The following PLEKHB2 variants were observed in gnomAD, a reference collection of about 807,000 sequenced individuals.
The protein encoded by PLEKHB2 is pleckstrin homology domain-containing family B member 2.
A neutral mutation model predicts 36.5 loss-of-function variants in PLEKHB2; 31 were observed. That is an observed-to-expected ratio of 0.85 (90% CI 0.64 to 1.15). The LOEUF (loss-of-function observed/expected upper bound fraction) is 1.15, where lower values mean the gene tolerates loss of function less well. Among genes scored for constraint, PLEKHB2 ranks in the 50% most tolerant of loss-of-function variants. PLEKHB2 has a pLI of 0.00. For synonymous variants in PLEKHB2, 119 were observed against 112.0 expected (o/e 1.06, Z -0.39); for missense variants, 262 against 295.3 (o/e 0.89, Z 0.83).
chr2:131,123,943 G>A (rs1483659261), intron 2 of PLEKHB2, among the ~76,000 whole-genome samples: 2 of 151,618 alleles, frequency 1.3e-5, no homozygotes, highest in Non-Finnish European at 2.9e-5. Context: ...TGATCTTCCA[G>A]GTTCAGGTGG....
rs1256852208 is a variant in PLEKHB2 at position 131,147,355 on chromosome 2, G to A, written c.*582G>A. 6.6e-6 allele frequency: 1 copy of A among 152,358 alleles called. No homozygotes were observed. The allele number at this position is 152,358 out of a possible 1,614,324, so 9.4% of individuals were successfully genotyped here. A position where few individuals can be genotyped will look rare whatever the true frequency, so the allele number is the denominator to read the frequency against. On this transcript the variant is annotated 3_prime_UTR_variant, in exon 8 of 8. Transcript: ENST00000693505. ...GGATGATGGGGCACAGCCCGCCTTT[G>A]AACAATCATGCTTCAGAAATCTGCC...
rs373471501 is a variant in PLEKHB2 at position 131,132,870 on chromosome 2, G to A, written c.334-32G>A. 130 of 1,271,148 alleles carry A rather than the reference G, an allele frequency of 1.0e-4. 2 individuals are homozygous for A. The South Asian group carries it at 1.5e-3, about 15-fold the overall frequency. 78.7% of individuals were successfully genotyped at this position (1,271,148 alleles called of 1,614,324 possible). ...TCGAGCACACAGCTGCTGGGAAGCT[G>A]TCCTGTCCTCACCCTCTCCTGTCTC... is the stretch of plus-strand genomic sequence containing the variant. On this transcript the variant is annotated intron_variant, in intron 5 of 7. Transcript: ENST00000693505.
rs375584786 is a variant in PLEKHB2, at chr2:131,123,794, G to A, written c.38-1959G>A. On this transcript the variant is annotated intron_variant, in intron 2 of 7. Transcript: ENST00000693505. ...CCCCCCACCCCCCCCCCCGCCCCCC[G>A]CCCTCGGCCTCCCAAAGTGCTAGGA... is the stretch of plus-strand genomic sequence containing the variant. Among the ~76,000 whole-genome samples the A allele has an allele frequency of 5.6e-4, 14 of 24,870 alleles. No individual in the cohort carries two copies. In the East Asian group the frequency reaches 0.015, roughly 27 times the overall value. 16.3% of individuals were successfully genotyped at this position (24,870 alleles called of 152,430 possible). A position where few individuals can be genotyped will look rare whatever the true frequency, so the allele number is the denominator to read the frequency against.
chr2:131,106,095 C>G (rs1394452422), intron 1 of PLEKHB2, among the ~76,000 whole-genome samples: 1 of 152,110 alleles, frequency 6.6e-6, no homozygotes, highest in Admixed American at 6.6e-5. Flanking sequence ...TTCTGTTACT[C>G]AACTAGATTG....
chr2:131,132,453 C>T (rs1016549775), intron 5 of PLEKHB2, among the ~76,000 whole-genome samples: 3 of 152,116 alleles, frequency 2.0e-5, no homozygotes, highest in Non-Finnish European at 4.4e-5. Context: ...GCCATAAGCA[C>T]CATGCCCAGT....
At chr2:131,145,616 T>TTGCCCA (rs1699206246) in intron 7 of PLEKHB2, among the ~76,000 whole-genome samples, 4 of 152,110 alleles carry the variant, frequency 2.6e-5, no homozygotes, top group African/African-American at 9.7e-5. Context: ...ATTACAGGTG[T>TTGCCCA]GAGCCATCAA....
Position 131,125,818 on chromosome 2 carries a change from TATG to T in PLEKHB2, c.108_110del (p.Asp37del). The T allele has an allele frequency of 1.9e-6, 3 of 1,613,842 alleles. No individual in the cohort carries two copies. The highest frequency in any genetic ancestry group is 2.5e-6 in the Non-Finnish European group (3 of 1,179,782). ...GTGGTCGGATGGTCACCTGATCTAT[TATG>T]ATGACCAGACTCGGCAGAATATCGA... is the stretch of plus-strand genomic sequence containing the variant. On this transcript the variant is annotated inframe_deletion, in exon 3 of 8. Transcript: ENST00000693505.
rs1699360946 is a variant in PLEKHB2, at chr2:131,147,180, A to G, written c.*407A>G. 1 of 153,154 alleles carries G rather than the reference A, an allele frequency of 6.5e-6. No homozygotes were observed. The allele number at this position is 153,154 out of a possible 1,614,324, so 9.5% of individuals were successfully genotyped here. A position where few individuals can be genotyped will look rare whatever the true frequency, so the allele number is the denominator to read the frequency against. ...GAAAAGCTACAGCTTCTTTGCGTTT[A>G]ACTTTTTCAAACCACAGACCAGAAC... On this transcript the variant is annotated 3_prime_UTR_variant, in exon 8 of 8. Transcript: ENST00000693505.
chr2:131,116,713 G>A (rs562824387), intron 1 of PLEKHB2, among the ~76,000 whole-genome samples: 1 of 152,272 alleles, frequency 6.6e-6, no homozygotes, highest in East Asian at 1.9e-4. Flanking sequence ...TTTGGGTGGG[G>A]ACACAGAGCC....
intron 1 of PLEKHB2, among the ~76,000 whole-genome samples, chr2:131,119,211 G>A (rs370333419): frequency 2.9e-4 from 44 of 152,090 alleles, no homozygotes; most frequent in East Asian, 2.3e-3. Flanking sequence ...AGCTGAGATC[G>A]CGCCACTGCA....
At position 131,148,292 on chromosome 2, in the gene PLEKHB2, A is replaced by G. The variant is rs1699444434; in HGVS notation, c.*1519A>G. On this transcript the variant is annotated 3_prime_UTR_variant, in exon 8 of 8. Coordinates refer to ENST00000693505, the MANE Select transcript of PLEKHB2 (RefSeq NM_001100623.2). ...AACCCCAAAATGTGTGAGTCTTTGG[A>G]AAACCCATTCCAGCCTTTCTTCAAA... 1 of 152,232 alleles carries G rather than the reference A, an allele frequency of 6.6e-6. No homozygotes were observed. The highest frequency in any genetic ancestry group is 1.5e-5 in the Non-Finnish European group (1 of 68,038). 9.4% of individuals were successfully genotyped at this position (152,232 alleles called of 1,614,324 possible).
Position 131,132,639 on chromosome 2 carries a change from G to A in PLEKHB2, c.334-263G>A, listed in dbSNP as rs1343175999. On this transcript the variant is annotated intron_variant, in intron 5 of 7. Transcript: ENST00000693505. ...TTAAAAGGCATTGGGTAACAGTGGGGCCTCTGAGTGCCTTCCTGGCTGTGA... is the reference window on the plus strand; with the variant it reads ...TTAAAAGGCATTGGGTAACAGTGGGACCTCTGAGTGCCTTCCTGGCTGTGA... Among the ~76,000 whole-genome samples, 4 of 152,212 alleles carry A rather than the reference G, an allele frequency of 2.6e-5. No individual in the cohort carries two copies. The East Asian group carries it at 5.8e-4, about 22-fold the overall frequency.
chr2:131,135,083 T>C (rs1698100083), intron 6 of PLEKHB2, among the ~76,000 whole-genome samples: 1 of 152,206 alleles, frequency 6.6e-6, no homozygotes, highest in African/African-American at 2.4e-5. Flanking sequence ...TTTCTCTTTT[T>C]TTTTTGAGAC....
chr2:131,120,974 A>G lies in PLEKHB2; in HGVS notation c.33A>G (p.Arg11=), dbSNP rs201810679. 3.3e-5 allele frequency: 53 copies of G among 1,614,152 alleles called. No individual in the cohort carries two copies. The East Asian group carries it at 3.8e-4, about 12-fold the overall frequency. MAFVKSGWLL[R]QSTILKRWKK... ...TTGTGAAGAGTGGCTGGTTGCTGCG[A>G]CAGAGTGAGTACAGGATGTGCGGTC... The change falls in exon 2 of 8, where the codon CGA becomes CGG. Residue 11 remains arginine, a synonymous_variant. Coordinates refer to ENST00000693505, the MANE Select transcript of PLEKHB2 (RefSeq NM_001100623.2).
At chr2:131,143,921 G>T (rs998723347) in intron 7 of PLEKHB2, among the ~76,000 whole-genome samples, 1 of 152,144 alleles carries the variant, frequency 6.6e-6, no homozygotes, top group East Asian at 1.9e-4. Context: ...CTTGGCTCTC[G>T]TCAGTAGAGT....
chr2:131,128,193 G>A (rs1697288700), intron 4 of PLEKHB2, among the ~76,000 whole-genome samples: 1 of 152,198 alleles, frequency 6.6e-6, no homozygotes, highest in Non-Finnish European at 1.5e-5. Flanking sequence ...ACTACCAGTT[G>A]ATACCAGATT....
rs572239700 is a variant in PLEKHB2 at position 131,118,424 on chromosome 2, C to A, written c.-8-2510C>A. Among the ~76,000 whole-genome samples, 3 of 152,250 alleles carry A rather than the reference C, an allele frequency of 2.0e-5. No individual in the cohort carries two copies. The South Asian group carries it at 6.2e-4, about 32-fold the overall frequency. On this transcript the variant is annotated intron_variant, in intron 1 of 7. Coordinates refer to ENST00000693505, the MANE Select transcript of PLEKHB2 (RefSeq NM_001100623.2). ...TGGGGTGACTGAGGCTTGTGGCACT[C>A]TTTTTAAAGGTTTGGAGAAAGATGA...
intron 1 of PLEKHB2, among the ~76,000 whole-genome samples, chr2:131,113,484 T>C (rs566116710): frequency 1.3e-5 from 2 of 152,276 alleles, no homozygotes; most frequent in Admixed American, 6.5e-5. Flanking sequence ...AAAAACAGTA[T>C]TTTTTTCTAC....
intron 6 of PLEKHB2, among the ~76,000 whole-genome samples, chr2:131,133,551 T>C (rs949755501): frequency 1.3e-5 from 2 of 152,226 alleles, no homozygotes; most frequent in Non-Finnish European, 2.9e-5. Context: ...TTGTTAATAT[T>C]CGATCAAATT....
Sources: allele counts gnomAD v4.1 joint callset (sites outside exome capture counted in the v4.1 genomes callset), GRCh38; gene constraint gnomAD v4.1.1; transcripts MANE v1.5; gene names NCBI Gene and HGNC (gene_info 2026-07-23, HGNC 2026-07-21).